The following CRPPA variants were observed in gnomAD, a reference collection of about 807,000 sequenced individuals.
The protein encoded by CRPPA is CDP-L-ribitol pyrophosphorylase A.
CRPPA carries 43 observed loss-of-function variants against 52.0 expected under a neutral mutation model. That is an observed-to-expected ratio of 0.83 (90% CI 0.65 to 1.07). CRPPA has a LOEUF of 1.07. CRPPA is among the 50% of genes least tolerant of loss of function. The probability of loss-of-function intolerance (pLI) is 0.00; values close to 1 mark genes in which losing one functional copy is unlikely to be tolerated. For missense variants in CRPPA, 629 were observed against 551.7 expected (o/e 1.14, Z -1.40); for synonymous variants, 250 against 203.5 (o/e 1.23, Z -1.94).
intron 9 of CRPPA, among the ~76,000 whole-genome samples, chr7:16,147,446 T>G (rs1782996264): frequency 6.6e-6 from 1 of 152,154 alleles, no homozygotes; most frequent in South Asian, 2.1e-4. Context: ...TCAGTTTAAC[T>G]TATCAGTCAC....
intron 6 of CRPPA, among the ~76,000 whole-genome samples, chr7:16,273,386 G>C (rs1373270186): frequency 6.6e-6 from 1 of 152,020 alleles, no homozygotes; most frequent in Admixed American, 6.6e-5. Flanking sequence ...TGGAACAGCA[G>C]GGGCCAGAAG....
At chr7:16,300,500 G>A (rs567787771) in intron 5 of CRPPA, among the ~76,000 whole-genome samples, 1 of 152,274 alleles carries the variant, frequency 6.6e-6, no homozygotes, top group Non-Finnish European at 1.5e-5. Flanking sequence ...TTTGCTAGGA[G>A]TCCATATTTT....
chr7:16,099,403 G>C (rs1175930230), intron 9 of CRPPA, among the ~76,000 whole-genome samples: 1 of 137,972 alleles, frequency 7.2e-6, no homozygotes, highest in Non-Finnish European at 1.6e-5. Context: ...GAGAAGGAAG[G>C]GGAGGGAAGG....
At chr7:16,279,044 C>A (rs770032971) in intron 5 of CRPPA, among the ~76,000 whole-genome samples, 5 of 152,088 alleles carry the variant, frequency 3.3e-5, no homozygotes, top group Non-Finnish European at 7.4e-5. Flanking sequence ...TTTCAGGCAT[C>A]CTATATGGAA....
chr7:16,406,174 G>T lies in CRPPA; in HGVS notation c.421C>A (p.Gln141Lys), dbSNP rs1324011333. Residue 141 changes from glutamine (Q) to lysine (K), a missense_variant, in exon 2 of 10, where the codon CAG (glutamine) becomes AAG (lysine). Physicochemically the swap from Gln to Lys is moderately conservative, Grantham distance 53 (BLOSUM62 1). Transcript: ENST00000407010. ...FNGLKALAED[Q>K]INSKLSKPEV... ...GGCTTAGAGAGTTTAGAGTTGATCT[G>T]ATCTTCTGCCAGTGCTTTTAGTCCA... 1 of 1,613,850 alleles carries T rather than the reference G, an allele frequency of 6.2e-7. No homozygotes were observed. The highest frequency in any genetic ancestry group is 8.5e-7 in the Non-Finnish European group (1 of 1,179,890).
At chr7:16,175,269 C>T (rs1206205389) in intron 9 of CRPPA, among the ~76,000 whole-genome samples, 2 of 151,984 alleles carry the variant, frequency 1.3e-5, no homozygotes, top group Non-Finnish European at 2.9e-5. Flanking sequence ...AGTATTCTAC[C>T]TTAAAATAAG....
chr7:16,220,850 G>A (rs1253169137), intron 8 of CRPPA, among the ~76,000 whole-genome samples: 3 of 152,132 alleles, frequency 2.0e-5, no homozygotes, highest in Non-Finnish European at 4.4e-5. Flanking sequence ...AATCAAAATC[G>A]TGAAAACGGC....
chr7:16,400,546 G>C (rs76565719), intron 2 of CRPPA, among the ~76,000 whole-genome samples: 1 of 152,208 alleles, frequency 6.6e-6, no homozygotes, highest in Admixed American at 6.5e-5. Flanking sequence ...CTGACACGTC[G>C]ACACGATCGA....
intron 3 of CRPPA, among the ~76,000 whole-genome samples, chr7:16,348,705 C>T (rs1230954366): frequency 1.4e-5 from 2 of 146,780 alleles, no homozygotes; most frequent in Non-Finnish European, 3.0e-5. Flanking sequence ...AGTCCACTTG[C>T]ATCTGGGAGC....
At chr7:16,382,495 T>A (rs1334612100) in intron 2 of CRPPA, among the ~76,000 whole-genome samples, 1 of 152,118 alleles carries the variant, frequency 6.6e-6, no homozygotes, top group African/African-American at 2.4e-5. Context: ...TTGAGGAGTA[T>A]CTTTGTGGCA....
At chr7:16,286,058 T>TAGAATATTTAAAAAAAAAA (rs1562608478) in intron 5 of CRPPA, among the ~76,000 whole-genome samples, 6 of 30,996 alleles carry the variant, frequency 1.9e-4, no homozygotes, top group Admixed American at 4.6e-4. Context: ...TATATATATA[T>TAGAATATTTAAAAAAAAAA]ATATATATAT....
At chr7:16,170,600 T>G (rs1471119115) in intron 9 of CRPPA, among the ~76,000 whole-genome samples, 1 of 152,138 alleles carries the variant, frequency 6.6e-6, no homozygotes, top group African/African-American at 2.4e-5. Context: ...AGAACCCAAG[T>G]GGGTTGCCAT....
intron 5 of CRPPA, among the ~76,000 whole-genome samples, chr7:16,278,991 A>G (rs962033675): frequency 6.6e-6 from 1 of 152,156 alleles, no homozygotes; most frequent in African/African-American, 2.4e-5. Flanking sequence ...ATTTTTCTTA[A>G]TCCACATCTT....
chr7:16,389,465 A>G (rs990043869), intron 2 of CRPPA, among the ~76,000 whole-genome samples: 23 of 152,296 alleles, frequency 1.5e-4, no homozygotes, highest in Middle Eastern at 3.4e-3. Context: ...TCAAAAAAAA[A>G]GTCAATGTAA....
chr7:16,222,300 G>T lies in CRPPA; in HGVS notation c.1120-6103C>A, dbSNP rs1410009101. Among the ~76,000 whole-genome samples, 67 of 118,212 alleles carry T rather than the reference G, an allele frequency of 5.7e-4. 1 individual carries two copies. Among genetic ancestry groups the T allele is most frequent in the Admixed American group, 7.5e-4 (8 of 10,684 alleles). 77.6% of individuals were successfully genotyped at this position (118,212 alleles called of 152,430 possible). On this transcript the variant is annotated intron_variant, in intron 8 of 9. Transcript: ENST00000407010. Reference sequence around the variant, plus strand: ...CACACTCTGGGGACTGTGTTGCGGTGGGGGGAGGGGGGAGGGATAGCATTG... The same window carrying T: ...CACACTCTGGGGACTGTGTTGCGGTTGGGGGAGGGGGGAGGGATAGCATTG...
intron 9 of CRPPA, among the ~76,000 whole-genome samples, chr7:16,200,956 AT>A (rs1562553322): frequency 6.6e-6 from 1 of 152,160 alleles, no homozygotes; most frequent in Non-Finnish European, 1.5e-5. Context: ...CATTTATGTT[AT>A]TTTTTATAGA....
intron 9 of CRPPA, among the ~76,000 whole-genome samples, chr7:16,186,236 G>C (rs2128389071): frequency 6.6e-6 from 1 of 152,282 alleles, no homozygotes; most frequent in African/African-American, 2.4e-5. Flanking sequence ...CAATGTATTA[G>C]AGTTCAGCTA....
intron 2 of CRPPA, among the ~76,000 whole-genome samples, chr7:16,401,044 A>G (rs1787805130): frequency 6.6e-6 from 1 of 152,172 alleles, no homozygotes; most frequent in South Asian, 2.1e-4. Flanking sequence ...TAGAGGCATG[A>G]CTAATTCAAT....
chr7:16,126,873 AC>A (rs1782591096), intron 9 of CRPPA, among the ~76,000 whole-genome samples: 1 of 152,194 alleles, frequency 6.6e-6, no homozygotes, highest in Admixed American at 6.5e-5. Flanking sequence ...AAAATGAGCA[AC>A]AAAAGGCAAA....
Sources: gnomAD v4.1 joint callset for allele counts (sites outside exome capture counted in the v4.1 genomes callset) on GRCh38, gnomAD v4.1.1 for gene constraint, MANE v1.5 for transcripts, NCBI Gene and HGNC (gene_info 2026-07-23, HGNC 2026-07-21) for gene names.